The following PRKCE variants were observed in gnomAD, a reference collection of about 807,000 sequenced individuals.
PRKCE encodes protein kinase C epsilon type.
PRKCE carries 16 observed loss-of-function variants against 85.4 expected under a neutral mutation model. The ratio of observed to expected loss-of-function variants is 0.19; its 90% CI spans 0.13 to 0.28. PRKCE has a LOEUF of 0.28. Among genes scored for constraint, PRKCE ranks in the 10% least tolerant of loss-of-function variants. PRKCE has a pLI of 1.00. For missense variants in PRKCE, 573 were observed against 975.2 expected, an observed-to-expected ratio of 0.59 and a Z score of 5.49; for synonymous variants, 388 against 371.5, an observed-to-expected ratio of 1.04 and a Z score of -0.51.
intron 1 of PRKCE, among the ~76,000 whole-genome samples, chr2:45,721,605 C>G (rs925006024): frequency 2.0e-5 from 3 of 152,148 alleles, no homozygotes; most frequent in African/African-American, 7.2e-5. Context: ...GACATGGTGG[C>G]TCACGCCTGT....
At chr2:45,908,595 T>G (rs1249702488) in intron 2 of PRKCE, among the ~76,000 whole-genome samples, 3 of 152,186 alleles carry the variant, frequency 2.0e-5, no homozygotes, top group Non-Finnish European at 4.4e-5. Context: ...GGACCTCATC[T>G]GAGGGGCAAG....
intron 11 of PRKCE, among the ~76,000 whole-genome samples, chr2:46,117,418 G>A (rs541579803): frequency 6.6e-6 from 1 of 152,322 alleles, no homozygotes; most frequent in East Asian, 1.9e-4. Context: ...ATGTAAGCCT[G>A]TAAAGGAAAA....
At chr2:46,115,432 C>G (rs1466205385) in intron 11 of PRKCE, among the ~76,000 whole-genome samples, 1 of 152,206 alleles carries the variant, frequency 6.6e-6, no homozygotes, top group Non-Finnish European at 1.5e-5. Context: ...TTTAGTCTAT[C>G]TTGCTCAGAG....
At chr2:45,997,408 A>G (rs2104698565) in intron 6 of PRKCE, among the ~76,000 whole-genome samples, 1 of 152,180 alleles carries the variant, frequency 6.6e-6, no homozygotes, top group Middle Eastern at 3.4e-3. Context: ...CCTAAGATAG[A>G]GGCTTAGATT....
chr2:45,661,286 G>A (rs752110021), intron 1 of PRKCE, among the ~76,000 whole-genome samples: 17 of 148,584 alleles, frequency 1.1e-4, no homozygotes, highest in South Asian at 2.2e-4. Flanking sequence ...GGGTTCAAGC[G>A]ATTCTCCTGT....
intron 1 of PRKCE, among the ~76,000 whole-genome samples, chr2:45,836,641 G>A (rs1376469361): frequency 1.3e-5 from 2 of 152,158 alleles, no homozygotes; most frequent in Non-Finnish European, 2.9e-5. Context: ...TCAGTGAAGG[G>A]GTACAGGACT....
chr2:45,840,806 G>C (rs1430893194), intron 1 of PRKCE, among the ~76,000 whole-genome samples: 1 of 152,196 alleles, frequency 6.6e-6, no homozygotes, highest in East Asian at 1.9e-4. Flanking sequence ...GAGACGTTGG[G>C]AGAGTTTGGA....
At chr2:45,773,621 A>T (rs149796211) in intron 1 of PRKCE, among the ~76,000 whole-genome samples, 19 of 152,274 alleles carry the variant, frequency 1.2e-4, no homozygotes, top group African/African-American at 4.3e-4. Context: ...TGTAATTGGG[A>T]CTTGAATTGA....
At position 45,885,002 on chromosome 2, in the gene PRKCE, T is replaced by TTTTTTTTTTTTG. The variant is rs375477829; in HGVS notation, c.412+41941_412+41942insTTTTTTTTTGTT. 9.5e-4 allele frequency among the ~76,000 whole-genome samples: 93 copies of TTTTTTTTTTTTG among 97,662 alleles called. 6 individuals are homozygous for TTTTTTTTTTTTG. The highest frequency in any genetic ancestry group is 5.1e-3 in the Middle Eastern group (1 of 198). The allele number at this position is 97,662 out of a possible 152,430, so 64.1% of individuals were successfully genotyped here. On this transcript the variant is annotated intron_variant, in intron 2 of 14. Transcript: ENST00000306156. Reference sequence around the variant, plus strand: ...ATATATATATATATATATATATATATTTGTTGTTGTTGTTGTTGTTTTACC... The same window carrying TTTTTTTTTTTTG: ...ATATATATATATATATATATATATATTTTTTTTTTTTGTTGTTGTTGTTGTTGTTGTTTTACC...
intron 1 of PRKCE, among the ~76,000 whole-genome samples, chr2:45,743,533 C>T (rs1162575289): frequency 6.6e-6 from 1 of 151,696 alleles, no homozygotes; most frequent in African/African-American, 2.4e-5. Context: ...TGAAGTTGCT[C>T]CGGAGAAAGG....
chr2:45,925,838 A>G (rs1485298179), intron 2 of PRKCE, among the ~76,000 whole-genome samples: 5 of 152,248 alleles, frequency 3.3e-5, no homozygotes, highest in Admixed American at 6.5e-5. Flanking sequence ...GCAGGCTTCC[A>G]GCAACAGTGG....
chr2:45,714,066 G>T (rs914823615), intron 1 of PRKCE, among the ~76,000 whole-genome samples: 3 of 152,190 alleles, frequency 2.0e-5, no homozygotes, highest in African/African-American at 7.2e-5. Flanking sequence ...CATGAACAGA[G>T]CATTTTACTT....
rs1390704261 is a variant in PRKCE, at chr2:45,828,252, T to A, written c.349-14748T>A. 2.6e-5 allele frequency among the ~76,000 whole-genome samples: 4 copies of A among 152,316 alleles called. No individual in the cohort carries two copies. The East Asian group carries it at 7.7e-4, about 29-fold the overall frequency. On this transcript the variant is annotated intron_variant, in intron 1 of 14. Coordinates refer to ENST00000306156, the MANE Select transcript of PRKCE (RefSeq NM_005400.3). ...AAAGCAAAGGATTTTTCAATTAGAT[T>A]AAAAATCTGTTGAAAACTCTATTGA...
chr2:45,679,571 T>G (rs900336017), intron 1 of PRKCE, among the ~76,000 whole-genome samples: 1 of 152,148 alleles, frequency 6.6e-6, no homozygotes, highest in African/African-American at 2.4e-5. Flanking sequence ...GTCAAGCTCA[T>G]GGGTGTACAG....
intron 1 of PRKCE, among the ~76,000 whole-genome samples, chr2:45,818,371 C>T (rs1405316878): frequency 1.3e-5 from 2 of 152,144 alleles, no homozygotes; most frequent in Admixed American, 6.5e-5. Flanking sequence ...CTTGACTTTC[C>T]TCTGAGCCAT....
intron 14 of PRKCE, among the ~76,000 whole-genome samples, chr2:46,178,851 A>G (rs923243486): frequency 1.3e-5 from 2 of 152,174 alleles, no homozygotes; most frequent in African/African-American, 4.8e-5. Flanking sequence ...TACACATGAA[A>G]TAGCAGAAGG....
intron 1 of PRKCE, among the ~76,000 whole-genome samples, chr2:45,770,012 A>G (rs1685189976): frequency 6.6e-6 from 1 of 152,240 alleles, no homozygotes; most frequent in South Asian, 2.1e-4. Context: ...GCCCAGGTGC[A>G]CACTCACACA....
intron 10 of PRKCE, among the ~76,000 whole-genome samples, chr2:46,054,791 G>A (rs548118717): frequency 2.0e-5 from 3 of 151,964 alleles, no homozygotes; most frequent in African/African-American, 4.8e-5. Context: ...CCCATGGCCC[G>A]CCCCACCCCC....
intron 2 of PRKCE, among the ~76,000 whole-genome samples, chr2:45,912,083 A>T (rs1012522338): frequency 2.6e-5 from 4 of 152,104 alleles, no homozygotes; most frequent in Admixed American, 2.0e-4. Context: ...CTCTTTCCCC[A>T]GTTCTTCTAG....
Sources: gnomAD v4.1 joint callset for allele counts (sites outside exome capture counted in the v4.1 genomes callset) on GRCh38, gnomAD v4.1.1 for gene constraint, MANE v1.5 for transcripts, NCBI Gene and HGNC (gene_info 2026-07-23, HGNC 2026-07-21) for gene names.